KIF1A: variants seen among roughly 807,000 people sequenced by gnomAD.
KIF1A encodes the protein kinesin-like protein KIF1A.
Under a neutral mutation model 227.3 loss-of-function variants are expected in KIF1A, and 46 were observed. The ratio of observed to expected loss-of-function variants is 0.20; its 90% CI spans 0.16 to 0.26. The LOEUF (loss-of-function observed/expected upper bound fraction) is 0.26. Among genes scored for constraint, KIF1A ranks in the 10% least tolerant of loss-of-function variants. The pLI is 1.00. For missense variants in KIF1A, 1,683 were observed against 2,485.9 expected, an observed-to-expected ratio of 0.68 and a Z score of 6.87; for synonymous variants, 1,022 against 1,012.8, an observed-to-expected ratio of 1.01 and a Z score of -0.17.
rs775518990 is a variant in KIF1A, at chr2:240,717,441, C to A, written c.5334-35G>T. On this transcript the variant is annotated intron_variant, in intron 48 of 48. Transcript: ENST00000498729. ...AGTTGGGAGAGGCGGCGTGGTCAGGCCAGGAACACCTGCAGGCCATATCCA... is the reference window on the plus strand; with the variant it reads ...AGTTGGGAGAGGCGGCGTGGTCAGGACAGGAACACCTGCAGGCCATATCCA... 10 of 1,600,612 alleles carry A rather than the reference C, an allele frequency of 6.2e-6. No homozygotes were observed. The Admixed American group carries it at 1.7e-4, about 27-fold the overall frequency.
intron 4 of KIF1A, 126 bp from the exon 5 acceptor site, chr2:240,787,442 C>T: frequency 1.3e-6 from 1 of 777,732 alleles, no homozygotes; most frequent in Non-Finnish European, 2.3e-6. Flanking sequence ...CTTGCACCCT[C>T]ACCACACACG....
rs1165156847 is a variant in KIF1A, at chr2:240,766,361, AGGCAAT to A, written c.1684+548_1684+553del. ...GCCCATCCCCAAGTTGGGCAGCACCAGGCAATGGGGACAGCCCCACGTCATCTCCAG... is the reference window on the plus strand; with the variant it reads ...GCCCATCCCCAAGTTGGGCAGCACCAGGGGACAGCCCCACGTCATCTCCAG... On this transcript the variant is annotated intron_variant, in intron 19 of 48. Coordinates refer to ENST00000498729, the MANE Select transcript of KIF1A (RefSeq NM_001244008.2). This position sits in a 1 kb window ranked among gnomAD's most constrained non-coding sequence, Gnocchi z 5.0. 2.0e-5 allele frequency among the ~76,000 whole-genome samples: 3 copies of A among 152,342 alleles called. No homozygotes were observed. In the East Asian group the frequency reaches 5.8e-4, roughly 29 times the overall value.
At position 240,736,526 on chromosome 2, in the gene KIF1A, G is replaced by A. The variant is rs989431285; in HGVS notation, c.4007+537C>T. 5.9e-5 allele frequency among the ~76,000 whole-genome samples: 9 copies of A among 152,270 alleles called. No homozygotes were observed. Among genetic ancestry groups the A allele is most frequent in the East Asian group, 1.9e-4 (1 of 5,170 alleles). ...AGGGCTGCCACAGACATCCCAGAGCGCCAAAACCCCAGCCTAAATGCGGTC... is the reference window on the plus strand; with the variant it reads ...AGGGCTGCCACAGACATCCCAGAGCACCAAAACCCCAGCCTAAATGCGGTC... On this transcript the variant is annotated intron_variant, in intron 38 of 48. Transcript: ENST00000498729. This position sits in a 1 kb window ranked among gnomAD's most constrained non-coding sequence, Gnocchi z 4.7.
intron 1 of KIF1A, among the ~76,000 whole-genome samples, chr2:240,800,105 GACACACACACACACACAC>G (rs3220094): frequency 1.4e-5 from 2 of 143,064 alleles, no homozygotes; most frequent in African/African-American, 5.2e-5. Flanking sequence ...GTCCAAAGCA[GACACACACACACACACAC>G]ACACACACAC....
intron 38 of KIF1A, among the ~76,000 whole-genome samples, chr2:240,727,751 C>T (rs1474560160): frequency 6.6e-6 from 1 of 152,214 alleles, no homozygotes; most frequent in Non-Finnish European, 1.5e-5. Flanking sequence ...TGGGATTTTA[C>T]ATCCCCATGG....
chr2:240,785,650 G>A (rs2054642901), intron 6 of KIF1A, among the ~76,000 whole-genome samples: 1 of 152,186 alleles, frequency 6.6e-6, no homozygotes, highest in African/African-American at 2.4e-5. Context: ...TCAGCACATG[G>A]GATGTGGCAG....
chr2:240,735,944 T>C (rs773124638), intron 38 of KIF1A, among the ~76,000 whole-genome samples: 111 of 151,874 alleles, frequency 7.3e-4, no homozygotes, highest in Non-Finnish European at 1.3e-3. Context: ...GGACCAGAGC[T>C]GCATCCACCC....
At chr2:240,804,326 G>A (rs529666624) in intron 1 of KIF1A, among the ~76,000 whole-genome samples, 1 of 152,294 alleles carries the variant, frequency 6.6e-6, no homozygotes, top group Non-Finnish European at 1.5e-5. Flanking sequence ...CTGAATGGAA[G>A]CTTCTACTTC....
In KIF1A at chr2:240,717,256, G is replaced by A. The variant is rs1061113; in HGVS notation, c.*108C>T. ...TGGGCGTCCCCTGGGGGGTCGACCC[G>A]GTCGTGGGCTGTCTGGCAGGAGAGG... On this transcript the variant is annotated 3_prime_UTR_variant, in exon 49 of 49. Transcript: ENST00000498729. 0.017 allele frequency: 18,614 copies of A among 1,118,380 alleles called. 181 individuals carry two copies. The highest frequency in any genetic ancestry group is 0.019 in the Non-Finnish European group (14,685 of 756,954). The allele number at this position is 1,118,380 out of a possible 1,614,324, so 69.3% of individuals were successfully genotyped here.
chr2:240,740,389 G>C lies in KIF1A; in HGVS notation c.3750-25C>G. ...ACTGGAAGAGAGAGACACATGTGAGGAGCGGCCAGCCCCTCCTCTCTGCCC... is the reference window on the plus strand; with the variant it reads ...ACTGGAAGAGAGAGACACATGTGAGCAGCGGCCAGCCCCTCCTCTCTGCCC... On this transcript the variant is annotated intron_variant, in intron 35 of 48. Transcript: ENST00000498729. The surrounding 1 kb of genome is among the most constrained non-coding windows in gnomAD (Gnocchi z 6.1). 1 of 1,606,104 alleles carries C rather than the reference G, an allele frequency of 6.2e-7. No homozygotes were observed. The highest frequency in any genetic ancestry group is 8.5e-7 in the Non-Finnish European group (1 of 1,173,028).
chr2:240,756,032 C>A (rs1400954045), intron 27 of KIF1A, among the ~76,000 whole-genome samples: 1 of 152,142 alleles, frequency 6.6e-6, no homozygotes, highest in Admixed American at 6.5e-5. Flanking sequence ...CCTAGTAACA[C>A]TCATGAAAAA....
rs1405125738 is a variant in KIF1A, at chr2:240,757,471, C to T, written c.2706G>A (p.Glu902=). 6.4e-7 allele frequency: 1 copy of T among 1,550,480 alleles called. No homozygotes were observed. The change falls in exon 27 of 49, where the codon GAG becomes GAA. Residue 902 remains glutamate (E), a synonymous_variant. Coordinates refer to ENST00000498729, the MANE Select transcript of KIF1A (RefSeq NM_001244008.2). This position sits in a 1 kb window ranked among gnomAD's most constrained non-coding sequence, Gnocchi z 6.2. ...CCTCCTCCTCCCCCACGCTCTGCTC[C>T]TCGGCAGGCTCGGTGGCGTCGGAGT... is the stretch of plus-strand genomic sequence containing the variant. ...SPDSDATEPA[E]EQSVGEEEEE...
intron 10 of KIF1A, chr2:240,782,309 CCCACG>C (rs1250348770): frequency 2.8e-6 from 2 of 705,138 alleles, no homozygotes; most frequent in African/African-American, 3.9e-5. Context: ...TCCCAGGGCC[CCCACG>C]CCCCCCGGGC....
In KIF1A at chr2:240,723,477, G is replaced by A. The variant is rs2125604812; in HGVS notation, c.4400C>T (p.Pro1467Leu). 6.4e-7 allele frequency: 1 copy of A among 1,552,224 alleles called. No homozygotes were observed. The change falls in exon 42 of 49, where the codon CCC (proline) becomes CTC (leucine). Residue 1467 changes from proline (P) to leucine (L), a missense_variant. Pro to Leu is a moderately conservative substitution (Grantham distance 98, BLOSUM62 -3). Around this residue, in one of 12 missense-constraint regions of KIF1A, gnomAD observed 759 missense variants for 1,020.2 expected, o/e 0.74. Coordinates refer to ENST00000498729, the MANE Select transcript of KIF1A (RefSeq NM_001244008.2). ...GTCCAGAATGAGACTGTCACTCCGG[G>A]GCCTCCAGCCTGCCAGGTTCTCCTC... ...RGEENLAGWR[P>L]RSDSLILDHQ... is the part of the protein sequence containing the mutation.
At chr2:240,737,040 T>C in intron 38 of KIF1A, 23 bp downstream of exon 38, 1 of 1,572,504 alleles carries the variant, frequency 6.4e-7, no homozygotes, top group South Asian at 1.1e-5. Context: ...CTGGGCCCTG[T>C]CTCCAGGGAG....
intron 34 of KIF1A, among the ~76,000 whole-genome samples, chr2:240,741,587 G>A (rs944975638): frequency 1.3e-5 from 2 of 152,198 alleles, no homozygotes; most frequent in African/African-American, 2.4e-5. Flanking sequence ...TCACATGGAC[G>A]CTCACGTTCT....
At chr2:240,731,746 TC>T (rs2046628432) in intron 38 of KIF1A, among the ~76,000 whole-genome samples, 1 of 151,802 alleles carries the variant, frequency 6.6e-6, no homozygotes, top group South Asian at 2.1e-4. Context: ...ACCCCCACAG[TC>T]CCCCTCGCCC....
At chr2:240,742,755 C>T (rs2048133006) in intron 34 of KIF1A, among the ~76,000 whole-genome samples, 174 bp downstream of exon 34, 1 of 152,206 alleles carries the variant, frequency 6.6e-6, no homozygotes, top group South Asian at 2.1e-4. Context: ...ACAGGGCAGA[C>T]CCTTGCTCCA....
At position 240,752,180 on chromosome 2, in the gene KIF1A, G is replaced by A. The variant is rs1055111820; in HGVS notation, c.2859-1633C>T. ...CCTCTGAAGATGCCCCCCGAGAAGC[G>A]AGTACCCCACACCAATGGAGCCCAT... On this transcript the variant is annotated intron_variant, in intron 27 of 48. Coordinates refer to ENST00000498729, the MANE Select transcript of KIF1A (RefSeq NM_001244008.2). This position sits in a 1 kb window ranked among gnomAD's most constrained non-coding sequence, Gnocchi z 6.4. 6.6e-5 allele frequency among the ~76,000 whole-genome samples: 10 copies of A among 151,754 alleles called. No homozygotes were observed. The highest frequency in any genetic ancestry group is 1.9e-4 in the African/African-American group (8 of 41,254).
Sources: gnomAD v4.1 joint callset for allele counts (sites outside exome capture counted in the v4.1 genomes callset) on GRCh38, gnomAD v4.1.1 for gene constraint, gnomAD v4.1.1 regional missense constraint, Gnocchi (gnomAD v3.1) non-coding constraint, MANE v1.5 for transcripts, NCBI Gene and HGNC (gene_info 2026-07-23, HGNC 2026-07-21) for gene names.